Variants in LOC128706666 observed in about 807,000 individuals in gnomAD.
chr20:10,414,029 GA>G, the LOC128706666 span: 2 of 386,474 alleles, frequency 5.2e-6, no homozygotes, highest in African/African-American at 4.1e-5. Context: ...TGCCTTTTTA[GA>G]AAAAGGAACT....
chr20:10,430,937 T>A, the LOC128706666 span, among the ~76,000 whole-genome samples: 7 of 152,326 alleles, frequency 4.6e-5, no homozygotes, highest in African/African-American at 1.7e-4. Flanking sequence ...AGCAAAAGCA[T>A]TGAGTAATGG....
the LOC128706666 span, among the ~76,000 whole-genome samples, chr20:10,426,418 CT>C: frequency 6.6e-6 from 1 of 151,988 alleles, no homozygotes; most frequent in South Asian, 2.1e-4. Flanking sequence ...GTTCTTTTTT[CT>C]TTTTTTGGGA....
the LOC128706666 span, among the ~76,000 whole-genome samples, chr20:10,423,356 A>T: frequency 6.6e-6 from 1 of 152,128 alleles, no homozygotes; most frequent in Non-Finnish European, 1.5e-5. Context: ...TGGGAGGCTG[A>T]GGCTGCGGTG....
At chr20:10,419,898 T>C in the LOC128706666 span, among the ~76,000 whole-genome samples, 1 of 152,322 alleles carries the variant, frequency 6.6e-6, no homozygotes, top group African/African-American at 2.4e-5. Context: ...TGACTGCAGG[T>C]AACTGAAACT....
chr20:10,429,671 C>T, the LOC128706666 span, among the ~76,000 whole-genome samples: 2 of 152,174 alleles, frequency 1.3e-5, no homozygotes, highest in Non-Finnish European at 2.9e-5. Flanking sequence ...TCATGCTCCT[C>T]ATCAACTCAC....
At chr20:10,415,325 A>G in the LOC128706666 span, among the ~76,000 whole-genome samples, 1 of 152,244 alleles carries the variant, frequency 6.6e-6, no homozygotes, top group Non-Finnish European at 1.5e-5. Context: ...AAAGTAGGCT[A>G]CAGCATAGTA....
the LOC128706666 span, among the ~76,000 whole-genome samples, chr20:10,418,477 C>T: frequency 7.6e-4 from 115 of 152,174 alleles, no homozygotes; most frequent in African/African-American, 2.7e-3. Context: ...TTCAACTATT[C>T]GGAATTTGTG....
the LOC128706666 span, among the ~76,000 whole-genome samples, chr20:10,418,755 T>C: frequency 6.6e-6 from 1 of 152,188 alleles, no homozygotes; most frequent in Non-Finnish European, 1.5e-5. Context: ...GCCTCCAAAC[T>C]GTTAAGACAT....
At chr20:10,417,674 A>ACT in the LOC128706666 span, among the ~76,000 whole-genome samples, 1 of 151,160 alleles carries the variant, frequency 6.6e-6, no homozygotes, top group South Asian at 2.1e-4. Flanking sequence ...TTCTCTGTAA[A>ACT]AAAAAAAAAT....
chr20:10,422,357 T>C, the LOC128706666 span, among the ~76,000 whole-genome samples: 5 of 152,224 alleles, frequency 3.3e-5, no homozygotes, highest in South Asian at 1.0e-3. Context: ...CACCTTTTAT[T>C]GACATGCTTA....
At chr20:10,429,574 C>T in the LOC128706666 span, among the ~76,000 whole-genome samples, 2 of 152,178 alleles carry the variant, frequency 1.3e-5, no homozygotes, top group Non-Finnish European at 2.9e-5. Context: ...GCTGTTCCAC[C>T]TGGATTTCCT....
the LOC128706666 span, among the ~76,000 whole-genome samples, chr20:10,433,793 G>A: frequency 6.6e-5 from 10 of 152,254 alleles, no homozygotes; most frequent in Non-Finnish European, 1.5e-4. Context: ...GGAGTCACAG[G>A]TTCGGCGTAG....
At chr20:10,429,194 A>G in the LOC128706666 span, among the ~76,000 whole-genome samples, 8 of 152,294 alleles carry the variant, frequency 5.3e-5, no homozygotes, top group East Asian at 1.5e-3. Context: ...TCTCCATGGA[A>G]AGTGTTCTGA....
At chr20:10,433,304 G>T in the LOC128706666 span, among the ~76,000 whole-genome samples, 3 of 152,132 alleles carry the variant, frequency 2.0e-5, no homozygotes, top group Admixed American at 6.5e-5. Context: ...AAACCCCGCC[G>T]CCCCAAAATA....
At chr20:10,432,585 G>A in the LOC128706666 span, among the ~76,000 whole-genome samples, 2 of 152,042 alleles carry the variant, frequency 1.3e-5, no homozygotes, top group African/African-American at 4.8e-5. Flanking sequence ...CTGAGGTCAG[G>A]AGTTCAAGAC....
At chr20:10,424,699 G>A in the LOC128706666 span, among the ~76,000 whole-genome samples, 2 of 151,946 alleles carry the variant, frequency 1.3e-5, no homozygotes, top group African/African-American at 4.8e-5. Context: ...ACATATTTTG[G>A]GGATACAATT....
chr20:10,413,767 A>G, the LOC128706666 span: 2 of 588,618 alleles, frequency 3.4e-6, no homozygotes, highest in African/African-American at 3.7e-5. Flanking sequence ...TTGCTTTGAG[A>G]CTGAAATTTT....
chr20:10,432,129 C>A, the LOC128706666 span, among the ~76,000 whole-genome samples: 4 of 152,208 alleles, frequency 2.6e-5, no homozygotes, highest in African/African-American at 9.6e-5. Flanking sequence ...TCCAGGGAAA[C>A]AGACATCTAA....
At chr20:10,431,885 G>A in the LOC128706666 span, 2 of 152,136 alleles carry the variant, frequency 1.3e-5, no homozygotes, top group East Asian at 1.9e-4. Context: ...CCTACTCAGA[G>A]AGCCTTTCTC....
Sources: allele counts gnomAD v4.1 joint callset (sites outside exome capture counted in the v4.1 genomes callset), GRCh38; gene constraint gnomAD v4.1.1; transcripts MANE v1.5.